The following ILDR1 variants were observed in gnomAD, a reference collection of about 807,000 sequenced individuals.
ILDR1 encodes the protein immunoglobulin like domain containing receptor 1.
A neutral mutation model predicts 62.4 loss-of-function variants in ILDR1; 56 were observed. The ratio of observed to expected loss-of-function variants is 0.90; its 90% CI spans 0.72 to 1.12. ILDR1 has a LOEUF of 1.12. Ranked by LOEUF, ILDR1 falls within the 50% of genes most tolerant of loss-of-function variation. The pLI is 0.00. For synonymous variants in ILDR1, 284 were observed against 277.8 expected (o/e 1.02, Z -0.22); for missense variants, 736 against 710.6 (o/e 1.04, Z -0.41).
At chr3:122,044,896 G>GT in the ILDR1 span, among the ~76,000 whole-genome samples, 85 of 149,700 alleles carry the variant, frequency 5.7e-4, no homozygotes, top group African/African-American at 1.9e-3. Context: ...TTTTTGAAGG[G>GT]TTTTTTGTGT....
the ILDR1 span, among the ~76,000 whole-genome samples, chr3:122,050,623 A>G: frequency 9.8e-6 from 1 of 101,836 alleles, no homozygotes; most frequent in African/African-American, 3.4e-5. Context: ...TATAATTATA[A>G]TTACTTCTAT....
chr3:122,030,920 G>A, the ILDR1 span, among the ~76,000 whole-genome samples: 1 of 152,162 alleles, frequency 6.6e-6, no homozygotes, highest in Non-Finnish European at 1.5e-5. Context: ...AGAATGTCTT[G>A]CATCTTGGTG....
the ILDR1 span, among the ~76,000 whole-genome samples, chr3:122,055,844 T>A: frequency 6.6e-6 from 1 of 152,126 alleles, no homozygotes; most frequent in Non-Finnish European, 1.5e-5. Context: ...ATGTTTTTTG[T>A]CTACCAGGGT....
chr3:122,057,809 T>G, the ILDR1 span, among the ~76,000 whole-genome samples: 3 of 152,228 alleles, frequency 2.0e-5, no homozygotes, highest in South Asian at 2.1e-4. Flanking sequence ...TGATAGAATT[T>G]TATATTTAGA....
At chr3:122,017,604 G>C (rs926658922) in intron 1 of ILDR1, among the ~76,000 whole-genome samples, 2 of 152,154 alleles carry the variant, frequency 1.3e-5, no homozygotes, top group Non-Finnish European at 2.9e-5. Context: ...GAGTGAACAG[G>C]CAGCCTACAG....
At chr3:122,008,282 G>A (rs764816476) in intron 1 of ILDR1, among the ~76,000 whole-genome samples, 2 of 152,232 alleles carry the variant, frequency 1.3e-5, no homozygotes. Flanking sequence ...AAAGCTCCAG[G>A]TGTGCCTTGA....
At chr3:122,015,978 C>T (rs1247803193) in intron 1 of ILDR1, among the ~76,000 whole-genome samples, 1 of 152,136 alleles carries the variant, frequency 6.6e-6, no homozygotes, top group Non-Finnish European at 1.5e-5. Context: ...CCTTAAAAAC[C>T]TCTAACAGCT....
At chr3:121,993,119 C>T (rs1364259027) in intron 7 of ILDR1, 31 bp downstream of exon 7, 1 of 1,523,552 alleles carries the variant, frequency 6.6e-7, no homozygotes, top group Non-Finnish European at 8.9e-7. Flanking sequence ...TCTGCCCATG[C>T]CCAACCCTCA....
chr3:121,999,682 C>A (rs1048307339), intron 5 of ILDR1, among the ~76,000 whole-genome samples: 2 of 152,124 alleles, frequency 1.3e-5, no homozygotes, highest in Non-Finnish European at 2.9e-5. Context: ...TCTAAGCCCC[C>A]AAATGACTAA....
the ILDR1 span, among the ~76,000 whole-genome samples, chr3:122,039,502 A>G: frequency 6.6e-6 from 1 of 152,124 alleles, no homozygotes; most frequent in African/African-American, 2.4e-5. Context: ...GTGCTGTAAG[A>G]AAGAAAACTG....
At chr3:122,056,269 G>A in the ILDR1 span, among the ~76,000 whole-genome samples, 1 of 152,162 alleles carries the variant, frequency 6.6e-6, no homozygotes, top group Non-Finnish European at 1.5e-5. Flanking sequence ...AGACTTCCTG[G>A]AAGGAGTCAC....
intron 3 of ILDR1, among the ~76,000 whole-genome samples, chr3:122,002,946 A>T (rs1382432962): frequency 6.6e-6 from 1 of 152,254 alleles, no homozygotes; most frequent in Non-Finnish European, 1.5e-5. Flanking sequence ...ATCTACAAGG[A>T]ATTTAAAATG....
the ILDR1 span, among the ~76,000 whole-genome samples, chr3:122,042,428 AC>A: frequency 0.027 from 2,569 of 95,612 alleles, 138 homozygotes; most frequent in African/African-American, 0.1. Context: ...TTGGGTATAT[AC>A]CCAGTAATGG....
chr3:122,028,790 C>T, the ILDR1 span, among the ~76,000 whole-genome samples: 2 of 152,194 alleles, frequency 1.3e-5, no homozygotes, highest in Non-Finnish European at 2.9e-5. Context: ...TATTGGCAAA[C>T]ATGTGAGAAG....
chr3:122,019,554 G>T lies in ILDR1; in HGVS notation c.58+2466C>A, dbSNP rs539788005. 2.6e-5 allele frequency among the ~76,000 whole-genome samples: 4 copies of T among 152,256 alleles called. No individual in the cohort carries two copies. In the South Asian group the frequency reaches 8.3e-4, roughly 32 times the overall value. On this transcript the variant is annotated intron_variant, in intron 1 of 7. Coordinates refer to ENST00000344209, the MANE Select transcript of ILDR1 (RefSeq NM_001199799.2). ...TTGGCTTAAAAATTAAGGAAAAGGT[G>T]GGGGAGTAGAGAAGGACTTATGCCC... is the stretch of plus-strand genomic sequence containing the variant.
the ILDR1 span, among the ~76,000 whole-genome samples, chr3:122,051,962 T>C: frequency 6.6e-6 from 1 of 152,210 alleles, no homozygotes; most frequent in Non-Finnish European, 1.5e-5. Flanking sequence ...CTATCTTCTA[T>C]AGTGTGTGTC....
intron 1 of ILDR1, among the ~76,000 whole-genome samples, chr3:122,020,988 T>C (rs1205538875): frequency 6.6e-6 from 1 of 152,232 alleles, no homozygotes; most frequent in Non-Finnish European, 1.5e-5. Flanking sequence ...GATTTGATTA[T>C]ACCTGAGAAA....
intron 7 of ILDR1, 81 bp downstream of exon 7, chr3:121,993,069 G>A (rs1411803550): frequency 3.5e-6 from 4 of 1,152,884 alleles, no homozygotes; most frequent in Non-Finnish European, 3.8e-6. Flanking sequence ...ATGAGAGGCA[G>A]CCTGTGTTGG....
In ILDR1 at chr3:122,001,393, C is replaced by A. The variant is rs775815087; in HGVS notation, c.561G>T (p.Val187=). 1.2e-6 allele frequency: 2 copies of A among 1,614,144 alleles called. No homozygotes were observed. Among genetic ancestry groups the A allele is most frequent in the East Asian group, 4.5e-5 (2 of 44,888 alleles). ...GALLLLLLIG[V]CWCQCCPQYC... is the part of the protein sequence containing the mutation. ...ACTGAGGACAGCACTGGCACCAGCA[C>A]ACTCCAATCAGCAGCAGGAGGAGGA... is the stretch of plus-strand genomic sequence containing the variant. The change falls in exon 5 of 8, where the codon GTG becomes GTT. Residue 187 remains valine, a synonymous_variant. Coordinates refer to ENST00000344209, the MANE Select transcript of ILDR1 (RefSeq NM_001199799.2).
Sources: gnomAD v4.1 joint callset for allele counts (sites outside exome capture counted in the v4.1 genomes callset) on GRCh38, gnomAD v4.1.1 for gene constraint, MANE v1.5 for transcripts, NCBI Gene and HGNC (gene_info 2026-07-23, HGNC 2026-07-21) for gene names.